The following NAALADL2 variants were observed in gnomAD, a reference collection of about 807,000 sequenced individuals.
The protein encoded by NAALADL2 is N-acetylated alpha-linked acidic dipeptidase like 2, also known as inactive N-acetylated-alpha-linked acidic dipeptidase-like protein 2.
In NAALADL2, 76 loss-of-function variants were observed where a neutral mutation model predicts 87.2. The observed-to-expected ratio is 0.87, with a 90% CI of 0.72 to 1.05. The LOEUF (loss-of-function observed/expected upper bound fraction) is 1.05, where lower values mean the gene tolerates loss of function less well. NAALADL2 is among the 50% of genes least tolerant of loss of function. The pLI, the probability that NAALADL2 is intolerant of heterozygous loss-of-function variation, is 0.00. For synonymous variants in NAALADL2, 354 were observed against 331.0 expected (o/e 1.07, Z -0.75); for missense variants, 1,089 against 945.8 (o/e 1.15, Z -1.99).
intron 1 of NAALADL2, among the ~76,000 whole-genome samples, chr3:175,067,807 C>T (rs1366377784): frequency 6.6e-6 from 1 of 151,980 alleles, no homozygotes; most frequent in Non-Finnish European, 1.5e-5. Context: ...CATCACAGCA[C>T]CATTCAAAAT....
At chr3:175,079,140 T>C (rs954968777) in intron 1 of NAALADL2, among the ~76,000 whole-genome samples, 3 of 152,200 alleles carry the variant, frequency 2.0e-5, no homozygotes, top group African/African-American at 7.2e-5. Flanking sequence ...TGTGAATTGG[T>C]TTTTTATTGT....
intron 1 of NAALADL2, among the ~76,000 whole-genome samples, chr3:174,905,287 T>C (rs1732831371): frequency 6.6e-6 from 1 of 151,910 alleles, no homozygotes; most frequent in Non-Finnish European, 1.5e-5. Flanking sequence ...TGTTCTGAGC[T>C]GCAGCACAAG....
At chr3:174,472,408 C>T (rs570435699) in intron 1 of NAALADL2, among the ~76,000 whole-genome samples, 4 of 152,272 alleles carry the variant, frequency 2.6e-5, no homozygotes, top group Admixed American at 2.0e-4. Context: ...GCCCTGGGAA[C>T]AGTACTTGTC....
chr3:174,645,695 G>T (rs1355551939), intron 2 of NAALADL2, among the ~76,000 whole-genome samples: 2 of 152,006 alleles, frequency 1.3e-5, no homozygotes, highest in East Asian at 3.9e-4. Flanking sequence ...TTTCTAGCAA[G>T]GCTCTCATAA....
chr3:175,008,330 A>G (rs117084637), intron 1 of NAALADL2, among the ~76,000 whole-genome samples: 7,477 of 152,216 alleles, frequency 0.049, 380 homozygotes, highest in East Asian at 0.19. Flanking sequence ...GCAGTGAGCT[A>G]TGATCATGCC....
At chr3:175,086,748 T>C (rs1436788285) in intron 1 of NAALADL2, among the ~76,000 whole-genome samples, 3 of 152,232 alleles carry the variant, frequency 2.0e-5, no homozygotes, top group African/African-American at 7.2e-5. Flanking sequence ...CTTTAGTAAA[T>C]TGTTTAGTTG....
At chr3:175,431,990 C>G (rs1438262849) in intron 5 of NAALADL2, among the ~76,000 whole-genome samples, 1 of 151,642 alleles carries the variant, frequency 6.6e-6, no homozygotes, top group Non-Finnish European at 1.5e-5. Flanking sequence ...CTTTCTGTGT[C>G]GAGACATCCT....
chr3:175,680,198 T>C (rs1030250354), intron 11 of NAALADL2, among the ~76,000 whole-genome samples: 3 of 152,210 alleles, frequency 2.0e-5, no homozygotes, highest in Non-Finnish European at 2.9e-5. Context: ...ATCTTTAAGA[T>C]ACCTTTCATT....
intron 2 of NAALADL2, among the ~76,000 whole-genome samples, chr3:174,580,671 A>G (rs940489541): frequency 1.3e-5 from 2 of 152,090 alleles, no homozygotes; most frequent in South Asian, 2.1e-4. Flanking sequence ...TCTATGTAAT[A>G]TATATCAATA....
At chr3:175,720,812 C>T (rs1214517666) in intron 11 of NAALADL2, among the ~76,000 whole-genome samples, 1 of 151,958 alleles carries the variant, frequency 6.6e-6, no homozygotes, top group Non-Finnish European at 1.5e-5. Context: ...GAATTCTGTA[C>T]TAATCTAAAG....
chr3:175,428,230 T>C (rs1717150382), intron 5 of NAALADL2, among the ~76,000 whole-genome samples: 1 of 152,144 alleles, frequency 6.6e-6, no homozygotes, highest in African/African-American at 2.4e-5. Context: ...TGTACAGTAG[T>C]GTTCACTACT....
chr3:175,166,917 T>A (rs1044930997), intron 2 of NAALADL2, among the ~76,000 whole-genome samples: 9 of 152,104 alleles, frequency 5.9e-5, no homozygotes, highest in Admixed American at 5.3e-4. Context: ...ACCCAGCTGC[T>A]CAGCCCCTAA....
At chr3:175,779,327 C>G (rs79577269) in intron 13 of NAALADL2, among the ~76,000 whole-genome samples, 4,936 of 152,240 alleles carry the variant, frequency 0.032, 105 homozygotes, top group Non-Finnish European at 0.048. Context: ...GTATTTTGAT[C>G]TCTTACATGG....
At chr3:175,019,829 T>C (rs1261718188) in intron 1 of NAALADL2, among the ~76,000 whole-genome samples, 1 of 152,098 alleles carries the variant, frequency 6.6e-6, no homozygotes, top group Non-Finnish European at 1.5e-5. Context: ...ATGCAAATTA[T>C]TTAGTTGCAT....
chr3:175,193,311 T>G (rs1406426119), intron 2 of NAALADL2, among the ~76,000 whole-genome samples: 1 of 151,868 alleles, frequency 6.6e-6, no homozygotes, highest in Admixed American at 6.6e-5. Context: ...AGGTAGAAGA[T>G]ATAATGATAG....
chr3:175,580,014 T>C (rs894760450), intron 10 of NAALADL2, among the ~76,000 whole-genome samples: 3 of 152,168 alleles, frequency 2.0e-5, no homozygotes, highest in Non-Finnish European at 2.9e-5. Flanking sequence ...AATTTACCTC[T>C]ATAATAGAGC....
At chr3:175,108,560 T>A (rs537045782) in intron 2 of NAALADL2, among the ~76,000 whole-genome samples, 1 of 152,056 alleles carries the variant, frequency 6.6e-6, no homozygotes, top group East Asian at 1.9e-4. Context: ...TCTCTCTATT[T>A]CTTTGGTCGG....
At chr3:175,352,050 G>T (rs769081812) in intron 5 of NAALADL2, among the ~76,000 whole-genome samples, 1 of 152,070 alleles carries the variant, frequency 6.6e-6, no homozygotes, top group Non-Finnish European at 1.5e-5. Flanking sequence ...TGACACGCAT[G>T]CATCGAGAGG....
At chr3:174,590,544 A>G (rs1234769995) in intron 2 of NAALADL2, among the ~76,000 whole-genome samples, 2 of 152,150 alleles carry the variant, frequency 1.3e-5, no homozygotes, top group Non-Finnish European at 2.9e-5. Flanking sequence ...ATTAAATTTT[A>G]AAGTATAAGA....
Sources: gnomAD v4.1 joint callset for allele counts (sites outside exome capture counted in the v4.1 genomes callset) on GRCh38, gnomAD v4.1.1 for gene constraint, MANE v1.5 for transcripts, NCBI Gene and HGNC (gene_info 2026-07-23, HGNC 2026-07-21) for gene names.